The following ARB2A variants were observed in gnomAD, a reference collection of about 807,000 sequenced individuals.
ARB2A encodes the protein cotranscriptional regulator ARB2A.
At chr5:93,880,072 T>C in the ARB2A span, among the ~76,000 whole-genome samples, 13 of 151,864 alleles carry the variant, frequency 8.6e-5, no homozygotes, top group Non-Finnish European at 1.8e-4. Flanking sequence ...TATAACCGCA[T>C]TGGAACAAAC....
At chr5:93,985,572 C>T in the ARB2A span, among the ~76,000 whole-genome samples, 12 of 152,252 alleles carry the variant, frequency 7.9e-5, no homozygotes, top group African/African-American at 1.7e-4. Context: ...TGCAGGCGCG[C>T]GCCGCCACGC....
At chr5:93,757,170 A>G in the ARB2A span, among the ~76,000 whole-genome samples, 1 of 152,146 alleles carries the variant, frequency 6.6e-6, no homozygotes, top group Non-Finnish European at 1.5e-5. Flanking sequence ...CCAATCCAAC[A>G]AAGACAAAGA....
the ARB2A span, among the ~76,000 whole-genome samples, chr5:94,109,400 T>C: frequency 6.6e-6 from 1 of 152,146 alleles, no homozygotes. Context: ...TAGTTACCAA[T>C]GACTACTGTG....
At chr5:93,766,622 T>A in the ARB2A span, among the ~76,000 whole-genome samples, 1 of 152,128 alleles carries the variant, frequency 6.6e-6, no homozygotes, top group Non-Finnish European at 1.5e-5. Context: ...ATTGTGGAAG[T>A]CAGTGTGGCA....
the ARB2A span, among the ~76,000 whole-genome samples, chr5:94,032,570 T>G: frequency 2.0e-5 from 3 of 152,050 alleles, no homozygotes; most frequent in East Asian, 5.8e-4. Flanking sequence ...GGACATATAT[T>G]CAAACTACAT....
At chr5:94,046,634 T>C in the ARB2A span, among the ~76,000 whole-genome samples, 1 of 152,196 alleles carries the variant, frequency 6.6e-6, no homozygotes, top group Admixed American at 6.5e-5. Flanking sequence ...TTAAAGTGCC[T>C]GCTTTCTGCT....
chr5:93,776,337 TAG>T, the ARB2A span: 1 of 869,896 alleles, frequency 1.1e-6, no homozygotes, highest in African/African-American at 1.7e-5. Context: ...AATCAACCAC[TAG>T]AGTGTATTCA....
At chr5:93,744,586 G>C in the ARB2A span, among the ~76,000 whole-genome samples, 1 of 151,716 alleles carries the variant, frequency 6.6e-6, no homozygotes, top group African/African-American at 2.4e-5. Flanking sequence ...TTATGTGCAT[G>C]TACTGCCAAA....
chr5:93,812,685 AT>A, the ARB2A span, among the ~76,000 whole-genome samples: 258 of 152,308 alleles, frequency 1.7e-3, 2 homozygotes, highest in African/African-American at 5.3e-3. Flanking sequence ...GAAGTTTAAT[AT>A]GCCTATTTAG....
At chr5:94,073,845 C>T in the ARB2A span, among the ~76,000 whole-genome samples, 3 of 152,112 alleles carry the variant, frequency 2.0e-5, no homozygotes, top group African/African-American at 4.8e-5. Context: ...GCTTTCATTT[C>T]TATTTATTGA....
chr5:93,748,766 A>C, the ARB2A span, among the ~76,000 whole-genome samples: 1 of 152,114 alleles, frequency 6.6e-6, no homozygotes, highest in Non-Finnish European at 1.5e-5. Flanking sequence ...AAAAAGAAAA[A>C]ATAATAAAAC....
the ARB2A span, among the ~76,000 whole-genome samples, chr5:93,674,876 C>A: frequency 6.6e-6 from 1 of 152,240 alleles, no homozygotes; most frequent in South Asian, 2.1e-4. Context: ...ATTATTTGTG[C>A]AGAGAAAACT....
chr5:93,898,815 T>C, the ARB2A span, among the ~76,000 whole-genome samples: 17 of 152,062 alleles, frequency 1.1e-4, no homozygotes, highest in African/African-American at 3.4e-4. Context: ...TTGTAAATAA[T>C]AACAATAGCT....
the ARB2A span, among the ~76,000 whole-genome samples, chr5:93,814,606 C>A: frequency 0.91 from 138,724 of 152,248 alleles, 63,559 homozygotes; most frequent in East Asian, 1. Context: ...ATGACCTCTT[C>A]GCTATTATCC....
At chr5:93,765,497 A>G in the ARB2A span, among the ~76,000 whole-genome samples, 1 of 152,340 alleles carries the variant, frequency 6.6e-6, no homozygotes, top group East Asian at 1.9e-4. Context: ...AGGGACGTGA[A>G]GGACCTCTTC....
the ARB2A span, among the ~76,000 whole-genome samples, chr5:94,052,272 C>G: frequency 2.0e-5 from 3 of 152,140 alleles, no homozygotes; most frequent in Admixed American, 2.0e-4. Context: ...AACTCCTCTT[C>G]CCCTCCACGC....
At chr5:93,785,052 CAT>C in the ARB2A span, among the ~76,000 whole-genome samples, 1 of 152,170 alleles carries the variant, frequency 6.6e-6, no homozygotes, top group African/African-American at 2.4e-5. Context: ...TGCTTTCCAG[CAT>C]ATTTCTTTAT....
the ARB2A span, among the ~76,000 whole-genome samples, chr5:93,777,604 T>C: frequency 6.6e-6 from 1 of 151,714 alleles, no homozygotes; most frequent in Non-Finnish European, 1.5e-5. Context: ...TTTAAAGAAA[T>C]CATCCCATCA....
At chr5:93,917,064 T>C in the ARB2A span, among the ~76,000 whole-genome samples, 4 of 152,316 alleles carry the variant, frequency 2.6e-5, no homozygotes, top group East Asian at 7.7e-4. Context: ...TTAATCCTCA[T>C]TAATCTCAAC....
Sources: gnomAD v4.1 joint callset for allele counts (sites outside exome capture counted in the v4.1 genomes callset) on GRCh38, gnomAD v4.1.1 for gene constraint, MANE v1.5 for transcripts, NCBI Gene and HGNC (gene_info 2026-07-23, HGNC 2026-07-21) for gene names.